DOCK9: variants seen among roughly 807,000 people sequenced by gnomAD.
DOCK9 encodes dedicator of cytokinesis protein 9.
DOCK9 carries 89 observed loss-of-function variants against 263.3 expected under a neutral mutation model. The observed-to-expected ratio is 0.34, with a 90% CI of 0.28 to 0.40. The LOEUF is 0.40. Ranked by LOEUF, DOCK9 falls within the 10% of genes least tolerant of loss-of-function variation. The pLI is 1.00. For synonymous variants in DOCK9, 976 were observed against 973.1 expected (o/e 1.00, Z -0.06); for missense variants, 2,140 against 2,603.4 (o/e 0.82, Z 3.87).
At chr13:98,883,717 T>C (rs1303010471) in intron 22 of DOCK9, 96 bp downstream of exon 22, 4 of 692,466 alleles carry the variant, frequency 5.8e-6, no homozygotes, top group African/African-American at 3.6e-5. Context: ...AGTAAAAATA[T>C]AGTAATATAA....
rs754239319 is a variant in DOCK9, at chr13:98,946,497, C to T, written c.243+8938G>A. On this transcript the variant is annotated intron_variant, in intron 2 of 52. Coordinates refer to ENST00000682017, the MANE Select transcript of DOCK9 (RefSeq NM_001366683.2). ...CAATCTGCCGCTACACTTCTCAATA[C>T]GCAATGCTCTCCTTCCATTTGGAGC... Among the ~76,000 whole-genome samples the T allele has an allele frequency of 4.6e-5, 7 of 152,168 alleles. No individual in the cohort carries two copies. The South Asian group carries it at 1.4e-3, about 31-fold the overall frequency.
chr13:98,946,159 C>G, intron 2 of DOCK9, among the ~76,000 whole-genome samples: 1 of 152,156 alleles, frequency 6.6e-6, no homozygotes. Flanking sequence ...CCTTGGGCCA[C>G]TGTAAGGCCT....
chr13:98,855,311 C>T (rs867712649), intron 34 of DOCK9, among the ~76,000 whole-genome samples: 5 of 152,132 alleles, frequency 3.3e-5, no homozygotes, highest in Non-Finnish European at 7.4e-5. Flanking sequence ...TAGTGGCTCA[C>T]GCCTGTAATC....
chr13:98,827,333 A>G (rs2092582305), intron 43 of DOCK9, among the ~76,000 whole-genome samples: 1 of 152,246 alleles, frequency 6.6e-6, no homozygotes, highest in Non-Finnish European at 1.5e-5. Context: ...GCAAGTTATA[A>G]TTTTTTCCAA....
chr13:98,958,139 T>G (rs1056816390), intron 1 of DOCK9, among the ~76,000 whole-genome samples: 3 of 152,244 alleles, frequency 2.0e-5, no homozygotes, highest in Admixed American at 1.3e-4. Context: ...TGGGGATTTT[T>G]TGGGCTTTGT....
Position 98,846,064 on chromosome 13 carries a change from C to T in DOCK9, c.4062-4G>A. ...GGGTCCCAACCCCTCCTGGTTCCTG[C>T]AACATGAGTGAAATGGGATAGAAGC... On this transcript the variant is annotated splice_polypyrimidine_tract_variant and splice_region_variant and intron_variant, in intron 37 of 52. Transcript: ENST00000682017. The T allele has an allele frequency of 6.4e-7, 1 of 1,566,358 alleles. No homozygotes were observed. The highest frequency in any genetic ancestry group is 8.7e-7 in the Non-Finnish European group (1 of 1,154,368).
At chr13:98,800,162 G>T (rs2139921890) in intron 50 of DOCK9, 126 bp downstream of exon 50, 2 of 1,015,374 alleles carry the variant, frequency 2.0e-6, no homozygotes, top group Non-Finnish European at 2.8e-6. Context: ...GACGTTGGGG[G>T]AAGGGAGCAG....
chr13:99,026,120 G>T (rs1224408139), intron 1 of DOCK9, among the ~76,000 whole-genome samples: 3 of 119,186 alleles, frequency 2.5e-5, no homozygotes, highest in South Asian at 3.2e-4. Context: ...GGGCTAGGGG[G>T]TTGGGTGGAG....
At chr13:99,081,261 T>C (rs1213573751) in intron 1 of DOCK9, among the ~76,000 whole-genome samples, 2 of 152,206 alleles carry the variant, frequency 1.3e-5, no homozygotes, top group Non-Finnish European at 2.9e-5. Flanking sequence ...GGTCTCACGT[T>C]ACCTCCGACA....
chr13:99,086,117 C>T, intron 1 of DOCK9: 1 of 1,353,850 alleles, frequency 7.4e-7, no homozygotes. Context: ...CCAGCAGGGT[C>T]GGCCGCTCTG....
At chr13:98,831,618 A>G (rs1158069594) in intron 40 of DOCK9, 31 bp downstream of exon 40, 1 of 1,606,518 alleles carries the variant, frequency 6.2e-7, no homozygotes, top group Non-Finnish European at 8.5e-7. Flanking sequence ...AAGAAGGAAA[A>G]CATCTAACCA....
rs374550203 is a variant in DOCK9 at position 98,972,660 on chromosome 13, C to T, written c.126+5124G>A. 9.2e-5 allele frequency among the ~76,000 whole-genome samples: 14 copies of T among 152,316 alleles called. No individual in the cohort carries two copies. In the South Asian group the frequency reaches 2.3e-3, roughly 25 times the overall value. On this transcript the variant is annotated intron_variant, in intron 1 of 52. Transcript: ENST00000682017. ...CTGATCACATGAACAGTTAGGGGTT[C>T]GGCCTGCGCCTTCTGCAAAGCCTGG...
intron 45 of DOCK9, among the ~76,000 whole-genome samples, chr13:98,811,380 G>C (rs768396054): frequency 1.7e-4 from 25 of 151,336 alleles, no homozygotes; most frequent in Non-Finnish European, 2.8e-4. Context: ...TTGCCAGATA[G>C]GTGATTTGTA....
chr13:99,088,542 G>T (rs1020161760), upstream of DOCK9: 4 of 152,164 alleles, frequency 2.6e-5, no homozygotes, highest in Admixed American at 2.0e-4. Flanking sequence ...TTCCCCTCTT[G>T]TTACCTTGGC....
chr13:98,941,578 A>G (rs534493542), intron 2 of DOCK9, among the ~76,000 whole-genome samples: 2 of 152,230 alleles, frequency 1.3e-5, no homozygotes, highest in African/African-American at 4.8e-5. Flanking sequence ...AAAGAATTAT[A>G]TATTTTTTTG....
chr13:99,086,072 C>T (rs1389619210), intron 1 of DOCK9: 1 of 1,235,636 alleles, frequency 8.1e-7, no homozygotes, highest in African/African-American at 1.6e-5. Context: ...CTGTCCAACT[C>T]CCTCCCGCCG....
chr13:98,953,864 G>A (rs1260418739), intron 2 of DOCK9, among the ~76,000 whole-genome samples: 3 of 152,158 alleles, frequency 2.0e-5, no homozygotes, highest in Admixed American at 1.3e-4. Context: ...AACACCACAC[G>A]AATGGTCAAT....
intron 37 of DOCK9, chr13:98,846,429 T>C (rs2093394239): frequency 2.8e-6 from 3 of 1,076,024 alleles, no homozygotes; most frequent in Admixed American, 2.0e-5. Context: ...AAAAGACATG[T>C]ATTTTTTTTA....
chr13:98,934,905 T>C (rs2054567848), intron 2 of DOCK9, among the ~76,000 whole-genome samples: 1 of 152,242 alleles, frequency 6.6e-6, no homozygotes, highest in Non-Finnish European at 1.5e-5. Flanking sequence ...TTCCGGACAC[T>C]GAGCTAGCAG....
Sources: allele counts gnomAD v4.1 joint callset (sites outside exome capture counted in the v4.1 genomes callset), GRCh38; gene constraint gnomAD v4.1.1; transcripts MANE v1.5; gene names NCBI Gene and HGNC (gene_info 2026-07-23, HGNC 2026-07-21).